SNTB1: variants seen among roughly 807,000 people sequenced by gnomAD.
The protein encoded by SNTB1 is syntrophin beta 1.
SNTB1 carries 36 observed loss-of-function variants against 48.9 expected under a neutral mutation model. The observed-to-expected ratio is 0.74, with a 90% CI of 0.56 to 0.97. The LOEUF is 0.97. SNTB1 is among the 50% of genes least tolerant of loss of function. The pLI, the probability that SNTB1 is intolerant of heterozygous loss-of-function variation, is 0.00. For synonymous variants in SNTB1, 299 were observed against 294.6 expected (o/e 1.01, Z -0.15); for missense variants, 786 against 703.4 (o/e 1.12, Z -1.33).
intron 3 of SNTB1, among the ~76,000 whole-genome samples, chr8:120,630,143 G>A (rs1816956124): frequency 6.6e-6 from 1 of 152,222 alleles, no homozygotes; most frequent in African/African-American, 2.4e-5. Context: ...TGCCCCTTCA[G>A]ATCCAGTCTC....
intron 3 of SNTB1, among the ~76,000 whole-genome samples, chr8:120,589,973 T>C (rs1816212763): frequency 6.6e-6 from 1 of 152,176 alleles, no homozygotes; most frequent in African/African-American, 2.4e-5. Context: ...GAAAATTCCA[T>C]TTTCCAGCTC....
At chr8:120,726,150 C>A (rs1448474662) in intron 1 of SNTB1, among the ~76,000 whole-genome samples, 2 of 152,164 alleles carry the variant, frequency 1.3e-5, no homozygotes, top group Admixed American at 1.3e-4. Flanking sequence ...ATAAGCAAAA[C>A]TATTTTCCTC....
chr8:120,654,883 C>T (rs1817472885), intron 2 of SNTB1: 1 of 423,188 alleles, frequency 2.4e-6, no homozygotes, highest in Non-Finnish European at 4.6e-6. Context: ...AGTGACCTTT[C>T]CCCTCCAAGT....
chr8:120,735,013 A>T (rs1818919170), intron 1 of SNTB1, among the ~76,000 whole-genome samples: 1 of 152,228 alleles, frequency 6.6e-6, no homozygotes, highest in African/African-American at 2.4e-5. Context: ...ATGAGTCAGG[A>T]AAAGCAGTCA....
chr8:120,807,718 CT>C (rs1820359506), intron 1 of SNTB1, among the ~76,000 whole-genome samples: 1 of 152,118 alleles, frequency 6.6e-6, no homozygotes, highest in Admixed American at 6.6e-5. Context: ...TTGCTGTTTC[CT>C]GCTGATTTGT....
At chr8:120,661,319 C>G (rs1817584365) in intron 2 of SNTB1, among the ~76,000 whole-genome samples, 1 of 151,928 alleles carries the variant, frequency 6.6e-6, no homozygotes, top group Admixed American at 6.6e-5. Context: ...AATGAATGAC[C>G]AAAGACAATT....
chr8:120,541,929 G>GT lies in SNTB1; in HGVS notation c.1404dup (p.Pro469ThrfsTer16). On this transcript the variant is annotated frameshift_variant, in exon 6 of 7. Transcript: ENST00000517992. LOFTEE classifies it high-confidence loss of function. ...GTCTTGGGAAAGGCACCCTCCTGTG[G>GT]TTCAGTGGTAATAGAAAATCCATTC... 6 of 1,613,928 alleles carry GT rather than the reference G, an allele frequency of 3.7e-6. No individual in the cohort carries two copies. The highest frequency in any genetic ancestry group is 5.1e-6 in the Non-Finnish European group (6 of 1,179,896).
At chr8:120,652,478 A>G (rs1287065720) in intron 2 of SNTB1, among the ~76,000 whole-genome samples, 1 of 151,842 alleles carries the variant, frequency 6.6e-6, no homozygotes, top group Non-Finnish European at 1.5e-5. Flanking sequence ...CGGATCTGTG[A>G]TGACCACCTT....
At chr8:120,627,835 G>A (rs929222788) in intron 3 of SNTB1, among the ~76,000 whole-genome samples, 12 of 152,180 alleles carry the variant, frequency 7.9e-5, no homozygotes, top group Admixed American at 6.5e-5. Flanking sequence ...CAGCTTAGTG[G>A]AAAGTGCTGG....
At chr8:120,572,878 G>A (rs542184818) in intron 4 of SNTB1, among the ~76,000 whole-genome samples, 6 of 152,148 alleles carry the variant, frequency 3.9e-5, no homozygotes, top group Non-Finnish European at 8.8e-5. Flanking sequence ...TAGCACCATT[G>A]CACTCCAGAC....
intron 6 of SNTB1, among the ~76,000 whole-genome samples, chr8:120,540,482 A>G (rs1266218401): frequency 6.6e-6 from 1 of 152,210 alleles, no homozygotes; most frequent in Admixed American, 6.5e-5. Flanking sequence ...AGCCAAGGAT[A>G]AAGCAGGAGA....
At chr8:120,639,247 C>T (rs1817142403) in intron 2 of SNTB1, among the ~76,000 whole-genome samples, 1 of 151,814 alleles carries the variant, frequency 6.6e-6, no homozygotes, top group Admixed American at 6.6e-5. Flanking sequence ...TTGTTTTTTT[C>T]TTGTAAATTT....
chr8:120,784,238 C>A (rs1439995929), intron 1 of SNTB1, among the ~76,000 whole-genome samples: 1 of 152,068 alleles, frequency 6.6e-6, no homozygotes, highest in East Asian at 1.9e-4. Context: ...AAATGATCCG[C>A]CTGCCTCGGC....
intron 3 of SNTB1, among the ~76,000 whole-genome samples, chr8:120,586,972 G>C (rs1374222700): frequency 6.6e-6 from 1 of 152,182 alleles, no homozygotes; most frequent in African/African-American, 2.4e-5. Flanking sequence ...TATAATCCCA[G>C]CACTTTGGGA....
intron 1 of SNTB1, among the ~76,000 whole-genome samples, chr8:120,705,836 A>C (rs1391407413): frequency 6.6e-6 from 1 of 152,222 alleles, no homozygotes; most frequent in Non-Finnish European, 1.5e-5. Flanking sequence ...CTGTTAAGCT[A>C]TCTGGGTCTT....
At chr8:120,687,128 G>A (rs1818048000) in intron 2 of SNTB1, among the ~76,000 whole-genome samples, 1 of 152,100 alleles carries the variant, frequency 6.6e-6, no homozygotes, top group Non-Finnish European at 1.5e-5. Context: ...ACATGAGGGG[G>A]CAATAATGTA....
At chr8:120,798,371 A>G (rs1031159784) in intron 1 of SNTB1, among the ~76,000 whole-genome samples, 1 of 152,024 alleles carries the variant, frequency 6.6e-6, no homozygotes, top group African/African-American at 2.4e-5. Context: ...TTTGCCCTCC[A>G]GAAAACACTT....
At chr8:120,594,683 T>A (rs7845469) in intron 3 of SNTB1, among the ~76,000 whole-genome samples, 30,528 of 152,162 alleles carry the variant, frequency 0.2, 3,155 homozygotes, top group Middle Eastern at 0.29. Context: ...TGCTCATGTC[T>A]TAATGTATAA....
intron 5 of SNTB1, 22 bp downstream of exon 5, chr8:120,548,740 G>C (rs1416478396): frequency 1.2e-6 from 2 of 1,609,884 alleles, no homozygotes; most frequent in Non-Finnish European, 1.7e-6. Flanking sequence ...ATGTGTCCTT[G>C]GTAGCTCACT....
Sources: gnomAD v4.1 joint callset for allele counts (sites outside exome capture counted in the v4.1 genomes callset) on GRCh38, gnomAD v4.1.1 for gene constraint, MANE v1.5 for transcripts, NCBI Gene and HGNC (gene_info 2026-07-23, HGNC 2026-07-21) for gene names.